Variants in SETBP1 observed in about 807,000 individuals in gnomAD.
SETBP1 encodes SET binding protein 1.
In SETBP1, 9 loss-of-function variants were observed where a neutral mutation model predicts 101.0. The observed-to-expected ratio is 0.09, with a 90% confidence interval of 0.05 to 0.16. SETBP1 has a LOEUF of 0.16. Ranked by LOEUF, SETBP1 falls within the 10% of genes least tolerant of loss-of-function variation. SETBP1 has a pLI of 1.00. For synonymous variants in SETBP1, 818 were observed against 788.5 expected (o/e 1.04, Z -0.63); for missense variants, 1,858 against 2,033.8 (o/e 0.91, Z 1.66).
chr18:44,685,677 G>C (rs907525824), intron 1 of SETBP1, among the ~76,000 whole-genome samples: 1 of 152,142 alleles, frequency 6.6e-6, no homozygotes, highest in African/African-American at 2.4e-5. Flanking sequence ...AATAATACCA[G>C]CTAATTTCTG....
In SETBP1 at chr18:44,858,296, G is replaced by T. The variant is rs557054232; in HGVS notation, c.487-10934G>T. ...TCCTCAAAGAGCTCCCAATGCTAAG[G>T]AGTGGCAGGACCGAATCCTGGCATT... is the stretch of plus-strand genomic sequence containing the variant. On this transcript the variant is annotated intron_variant, in intron 2 of 5. Transcript: ENST00000649279. Among the ~76,000 whole-genome samples the T allele has an allele frequency of 5.9e-5, 9 of 152,332 alleles. No homozygotes were observed. In the South Asian group the frequency reaches 1.9e-3, roughly 32 times the overall value.
intron 4 of SETBP1, among the ~76,000 whole-genome samples, chr18:45,020,271 A>G (rs1755387177): frequency 1.7e-5 from 1 of 60,160 alleles, no homozygotes; most frequent in Admixed American, 1.6e-4. Flanking sequence ...AAAAAAAAAA[A>G]AAAAAAAAAA....
At chr18:44,848,075 G>GTC (rs891209792) in intron 2 of SETBP1, among the ~76,000 whole-genome samples, 4 of 59,292 alleles carry the variant, frequency 6.7e-5, no homozygotes, top group Non-Finnish European at 1.5e-4. Context: ...CTCTGAAGGT[G>GTC]TGTGTGTGTG....
At chr18:44,909,684 A>G (rs1385631456) in intron 3 of SETBP1, among the ~76,000 whole-genome samples, 1 of 152,232 alleles carries the variant, frequency 6.6e-6, no homozygotes, top group Admixed American at 6.5e-5. Context: ...TTACCTTCAT[A>G]TGAAGTCAGC....
chr18:44,794,201 A>T (rs1002672878), intron 2 of SETBP1, among the ~76,000 whole-genome samples: 2 of 152,226 alleles, frequency 1.3e-5, no homozygotes, highest in Admixed American at 1.3e-4. Flanking sequence ...GCTCTTCTAA[A>T]ATAGCTAAGA....
In SETBP1 at chr18:45,063,821, C is replaced by T. The variant is rs2073932639; in HGVS notation, c.*123C>T. 2 of 1,166,810 alleles carry T rather than the reference C, an allele frequency of 1.7e-6. No individual in the cohort carries two copies. The highest frequency in any genetic ancestry group is 2.4e-5 in the Admixed American group (1 of 41,048). The allele number at this position is 1,166,810 out of a possible 1,614,324, so 72.3% of individuals were successfully genotyped here. On this transcript the variant is annotated 3_prime_UTR_variant, in exon 6 of 6. Coordinates refer to ENST00000649279, the MANE Select transcript of SETBP1 (RefSeq NM_015559.3). The stretch of plus-strand genomic sequence containing the variant: ...CACGCCCTTCTCTCCAGAAGCCGGG[C>T]AGGCAGAATCCGGCCAGACGACGGG...
intron 3 of SETBP1, among the ~76,000 whole-genome samples, chr18:44,917,880 T>G: frequency 6.6e-6 from 1 of 152,034 alleles, no homozygotes; most frequent in African/African-American, 2.4e-5. Flanking sequence ...GAGCCAGGTT[T>G]GGAGAAGGAA....
At chr18:44,715,741 G>A (rs182781535) in intron 2 of SETBP1, among the ~76,000 whole-genome samples, 43 of 152,250 alleles carry the variant, frequency 2.8e-4, no homozygotes, top group East Asian at 5.8e-4. Flanking sequence ...ACAAACTATC[G>A]TTGCTAATTA....
intron 3 of SETBP1, among the ~76,000 whole-genome samples, chr18:44,912,396 C>T (rs761351836): frequency 2.6e-5 from 4 of 152,142 alleles, no homozygotes; most frequent in Non-Finnish European, 5.9e-5. Context: ...GAAATAAATG[C>T]TACTGATTGC....
At chr18:44,974,082 T>G (rs1014426884) in intron 4 of SETBP1, among the ~76,000 whole-genome samples, 1 of 152,216 alleles carries the variant, frequency 6.6e-6, no homozygotes, top group Non-Finnish European at 1.5e-5. Flanking sequence ...GCTTACAAAA[T>G]ACAATTCAAA....
At chr18:44,730,099 G>C (rs1461028006) in intron 2 of SETBP1, among the ~76,000 whole-genome samples, 1 of 152,216 alleles carries the variant, frequency 6.6e-6, no homozygotes, top group East Asian at 1.9e-4. Context: ...GTGCGGCTGA[G>C]ACCTTATCTG....
chr18:45,005,504 A>C (rs1338100960), intron 4 of SETBP1, among the ~76,000 whole-genome samples: 1 of 152,206 alleles, frequency 6.6e-6, no homozygotes, highest in African/African-American at 2.4e-5. Flanking sequence ...TCAGGGAAAG[A>C]GCTGCAGACT....
intron 4 of SETBP1, among the ~76,000 whole-genome samples, chr18:44,992,833 C>T (rs565325395): frequency 3.2e-4 from 49 of 152,116 alleles, no homozygotes; most frequent in Admixed American, 2.6e-4. Context: ...GAACATTGAT[C>T]ACTCTCAAAC....
At chr18:44,924,168 T>G (rs188179548) in intron 3 of SETBP1, among the ~76,000 whole-genome samples, 7 of 152,292 alleles carry the variant, frequency 4.6e-5, no homozygotes, top group Admixed American at 4.6e-4. Flanking sequence ...CAGCTTGCAC[T>G]AAGAGGGCAA....
intron 3 of SETBP1, among the ~76,000 whole-genome samples, chr18:44,902,481 G>C (rs1210629893): frequency 1.3e-5 from 2 of 151,728 alleles, no homozygotes; most frequent in African/African-American, 4.8e-5. Context: ...GAGCCAGGCA[G>C]GGGTGGGTGG....
At chr18:45,005,173 T>C (rs2072698861) in intron 4 of SETBP1, among the ~76,000 whole-genome samples, 1 of 152,206 alleles carries the variant, frequency 6.6e-6, no homozygotes, top group Non-Finnish European at 1.5e-5. Context: ...TACTACATAG[T>C]CACATTGTGT....
intron 2 of SETBP1, among the ~76,000 whole-genome samples, chr18:44,804,759 C>T (rs1442640485): frequency 6.6e-6 from 1 of 152,068 alleles, no homozygotes. Context: ...CCATTAAATC[C>T]AGCCCTCTTC....
At chr18:44,761,358 A>G (rs1474237775) in intron 2 of SETBP1, among the ~76,000 whole-genome samples, 1 of 152,220 alleles carries the variant, frequency 6.6e-6, no homozygotes. Flanking sequence ...ATAGAATACC[A>G]CAACTTATTC....
At chr18:44,749,532 C>G (rs185158862) in intron 2 of SETBP1, among the ~76,000 whole-genome samples, 2 of 152,156 alleles carry the variant, frequency 1.3e-5, no homozygotes, top group African/African-American at 4.8e-5. Context: ...GAAGCAATTT[C>G]TTCTTTTAGC....
Sources: allele counts gnomAD v4.1 joint callset (sites outside exome capture counted in the v4.1 genomes callset), GRCh38; gene constraint gnomAD v4.1.1; transcripts MANE v1.5; gene names NCBI Gene and HGNC (gene_info 2026-07-23, HGNC 2026-07-21).